The following EIF2AK4 variants were observed in gnomAD, a reference collection of about 807,000 sequenced individuals.
The protein encoded by EIF2AK4 is eIF-2-alpha kinase GCN2.
Under a neutral mutation model 211.1 loss-of-function variants are expected in EIF2AK4, and 139 were observed. The ratio of observed to expected loss-of-function variants is 0.66; its 90% CI spans 0.57 to 0.76. The LOEUF is 0.76. Among genes scored for constraint, EIF2AK4 ranks in the 30% least tolerant of loss-of-function variants. EIF2AK4 has a pLI of 0.00. For synonymous variants in EIF2AK4, 710 were observed against 751.3 expected, an observed-to-expected ratio of 0.94 and a Z score of 0.90; for missense variants, 1,664 against 2,043.8, an observed-to-expected ratio of 0.81 and a Z score of 3.58.
intron 4 of EIF2AK4, among the ~76,000 whole-genome samples, chr15:39,949,642 A>T (rs1265424526): frequency 6.6e-6 from 1 of 152,172 alleles, no homozygotes; most frequent in Non-Finnish European, 1.5e-5. Context: ...GCCAGAGAAT[A>T]ATTTTTTTAT....
rs145625322 is a variant in EIF2AK4, at chr15:39,938,817, T to A, written c.145-688T>A. The stretch of plus-strand genomic sequence containing the variant: ...TAAGGTGCCTGGACCATGGGAGCGC[T>A]CAGCCATTGTTTTTTCTCTCAGACT... On this transcript the variant is annotated intron_variant, in intron 1 of 38. Coordinates refer to ENST00000263791, the MANE Select transcript of EIF2AK4 (RefSeq NM_001013703.4). Among the ~76,000 whole-genome samples, 764 of 152,304 alleles carry A rather than the reference T, an allele frequency of 5.0e-3. 5 individuals carry two copies. Among genetic ancestry groups the A allele is most frequent in the African/African-American group, 0.018 (731 of 41,576 alleles).
chr15:40,022,694 T>C, intron 32 of EIF2AK4, 89 bp downstream of exon 32: 1 of 1,155,954 alleles, frequency 8.7e-7, no homozygotes. Flanking sequence ...GCCGTGTAGG[T>C]GACTGGAAAT....
intron 28 of EIF2AK4, 29 bp downstream of exon 28, chr15:40,016,701 C>G: frequency 6.2e-7 from 1 of 1,609,352 alleles, no homozygotes; most frequent in Non-Finnish European, 8.5e-7. Flanking sequence ...ACTGGCAGTA[C>G]AAATGTGTAG....
rs374866966 is a variant in EIF2AK4, at chr15:40,003,121, G to C, written c.3236-72G>C. On this transcript the variant is annotated intron_variant, in intron 22 of 38. Transcript: ENST00000263791. The stretch of plus-strand genomic sequence containing the variant: ...TAGCAATTACTTAACTGTCAGGTTT[G>C]TGTTAATTTTAGGTTGCCTTCTAAG... The C allele has an allele frequency of 2.2e-5, 35 of 1,579,402 alleles. 1 individual carries two copies. The African/African-American group carries it at 3.1e-4, about 14-fold the overall frequency.
chr15:39,934,486 C>A (rs1043431820), intron 1 of EIF2AK4, 147 bp downstream of exon 1: 4 of 1,128,162 alleles, frequency 3.5e-6, no homozygotes, highest in South Asian at 1.6e-5. Flanking sequence ...TCACTTTAGT[C>A]CTTGCACCTG....
intron 18 of EIF2AK4, among the ~76,000 whole-genome samples, chr15:39,993,072 CCA>C (rs2034968550): frequency 3.3e-5 from 3 of 90,850 alleles, no homozygotes; most frequent in Admixed American, 2.0e-4. Flanking sequence ...ATCCATCCAT[CCA>C]TTCATCCATC....
chr15:39,969,786 C>T (rs1252246681), intron 9 of EIF2AK4, among the ~76,000 whole-genome samples: 1 of 152,072 alleles, frequency 6.6e-6, no homozygotes, highest in Non-Finnish European at 1.5e-5. Context: ...GCTGTCCAGC[C>T]CTGGTTAACA....
At chr15:40,013,300 A>G (rs952829295) in intron 27 of EIF2AK4, among the ~76,000 whole-genome samples, 3 of 151,100 alleles carry the variant, frequency 2.0e-5, no homozygotes, top group African/African-American at 4.9e-5. Context: ...CTCCCACTTA[A>G]TTTTTTTTTC....
intron 25 of EIF2AK4, 52 bp downstream of exon 25, chr15:40,008,247 A>G (rs1384321910): frequency 2.0e-6 from 3 of 1,493,096 alleles, no homozygotes; most frequent in African/African-American, 1.4e-5. Flanking sequence ...TTTCTTCACC[A>G]AGTGTGGTGG....
chr15:39,965,415 C>T (rs769217519), intron 7 of EIF2AK4, among the ~76,000 whole-genome samples: 58 of 152,302 alleles, frequency 3.8e-4, no homozygotes, highest in East Asian at 3.9e-4. Flanking sequence ...TGAGCCACCA[C>T]GCCTGGCCAA....
At chr15:39,988,146 C>T (rs1359532100) in intron 15 of EIF2AK4, 41 bp downstream of exon 15, 2 of 1,603,454 alleles carry the variant, frequency 1.2e-6, no homozygotes, top group East Asian at 2.2e-5. Context: ...CTTATGTTTA[C>T]ATAAATTTAT....
chr15:40,022,883 G>C lies in EIF2AK4; in HGVS notation c.4389+278G>C, dbSNP rs528948271. The stretch of plus-strand genomic sequence containing the variant: ...CCGGTAGCTGGGACTGCAGGTGCCC[G>C]CCACCACGCTCGGCTAATTTTTTGT... On this transcript the variant is annotated intron_variant, in intron 32 of 38. Transcript: ENST00000263791. Among the ~76,000 whole-genome samples, 5 of 152,216 alleles carry C rather than the reference G, an allele frequency of 3.3e-5. No homozygotes were observed. The South Asian group carries it at 1.0e-3, about 32-fold the overall frequency.
chr15:40,017,376 C>T, intron 29 of EIF2AK4, 134 bp downstream of exon 29: 2 of 1,028,162 alleles, frequency 1.9e-6, no homozygotes, highest in South Asian at 1.9e-5. Flanking sequence ...ATATATGTTT[C>T]ATCTAGGAAT....
chr15:39,970,586 A>G (rs1210926389), intron 9 of EIF2AK4, among the ~76,000 whole-genome samples: 2 of 152,244 alleles, frequency 1.3e-5, no homozygotes, highest in East Asian at 3.8e-4. Flanking sequence ...GGTGGAATGA[A>G]AAAAGCAAGC....
At chr15:40,022,181 C>CGTGTGTGTGT (rs142104639) in intron 31 of EIF2AK4, 20,479 of 137,530 alleles carry the variant, frequency 0.15, 1,906 homozygotes, top group South Asian at 0.2. Context: ...GCTTTTTCAG[C>CGTGTGTGTGT]GTGTGTGTGT....
chr15:39,996,914 T>C lies in EIF2AK4; in HGVS notation c.2767-50T>C, dbSNP rs1398956495. ...GCTTATCCTATAATTCCCTGGTAAA[T>C]TATACTTTCATATCAAGGCTCTCTA... is the stretch of plus-strand genomic sequence containing the variant. On this transcript the variant is annotated intron_variant, in intron 18 of 38. Coordinates refer to ENST00000263791, the MANE Select transcript of EIF2AK4 (RefSeq NM_001013703.4). The C allele has an allele frequency of 3.8e-6, 5 of 1,310,706 alleles. No homozygotes were observed. In the East Asian group the frequency reaches 1.2e-4, roughly 30 times the overall value. 81.2% of individuals were successfully genotyped at this position (1,310,706 alleles called of 1,614,324 possible).
chr15:40,025,896 A>G (rs2035460068), intron 32 of EIF2AK4, 81 bp from the exon 33 acceptor site: 2 of 1,317,184 alleles, frequency 1.5e-6, no homozygotes, highest in Non-Finnish European at 2.1e-6. Context: ...CTATTGATTT[A>G]GTAGTCTTAC....
At chr15:40,026,761 G>A (rs1048516315) in intron 33 of EIF2AK4, among the ~76,000 whole-genome samples, 1 of 152,114 alleles carries the variant, frequency 6.6e-6, no homozygotes, top group Non-Finnish European at 1.5e-5. Flanking sequence ...TAACGTTCTG[G>A]GAAAAGATCT....
At chr15:39,970,600 A>G (rs2034609978) in intron 9 of EIF2AK4, among the ~76,000 whole-genome samples, 1 of 152,202 alleles carries the variant, frequency 6.6e-6, no homozygotes, top group African/African-American at 2.4e-5. Context: ...AGCAAGCTGA[A>G]GAATAATGTA....
Sources: gnomAD v4.1 joint callset for allele counts (sites outside exome capture counted in the v4.1 genomes callset) on GRCh38, gnomAD v4.1.1 for gene constraint, MANE v1.5 for transcripts, NCBI Gene and HGNC (gene_info 2026-07-23, HGNC 2026-07-21) for gene names.